SLCO5A1: variants seen among roughly 807,000 people sequenced by gnomAD.
The protein encoded by SLCO5A1 is solute carrier organic anion transporter family member 5A1.
SLCO5A1 carries 39 observed loss-of-function variants against 65.1 expected under a neutral mutation model. That is an observed-to-expected ratio of 0.60 (90% confidence interval 0.46 to 0.78). The LOEUF (loss-of-function observed/expected upper bound fraction) is 0.78. Among genes scored for constraint, SLCO5A1 ranks in the 30% least tolerant of loss-of-function variants. The probability of loss-of-function intolerance (pLI) is 0.00; values close to 1 mark genes in which losing one functional copy is unlikely to be tolerated. For missense variants in SLCO5A1, 1,029 were observed against 1,069.4 expected (o/e 0.96, Z 0.53); for synonymous variants, 438 against 415.7 (o/e 1.05, Z -0.65).
At chr8:69,723,418 A>ATT (rs199595698) in intron 5 of SLCO5A1, among the ~76,000 whole-genome samples, 2 of 146,802 alleles carry the variant, frequency 1.4e-5, no homozygotes, top group African/African-American at 2.5e-5. Context: ...TGCCCACCTA[A>ATT]TTTTTTTTTT....
intron 2 of SLCO5A1, among the ~76,000 whole-genome samples, chr8:69,822,658 A>G (rs768788358): frequency 3.9e-5 from 6 of 152,224 alleles, no homozygotes; most frequent in Non-Finnish European, 7.3e-5. Flanking sequence ...TTGACAGAAC[A>G]GAGCACTGTC....
At chr8:69,675,006 C>T (rs781204665) in intron 9 of SLCO5A1, among the ~76,000 whole-genome samples, 8 of 151,458 alleles carry the variant, frequency 5.3e-5, no homozygotes, top group Non-Finnish European at 1.2e-4. Context: ...TGCCACTGCC[C>T]TCCAGCCTGG....
intron 5 of SLCO5A1, among the ~76,000 whole-genome samples, chr8:69,720,184 A>T (rs1449322496): frequency 6.6e-6 from 1 of 152,272 alleles, no homozygotes; most frequent in Non-Finnish European, 1.5e-5. Context: ...GGAAGACAAC[A>T]ATATAACTTG....
intron 2 of SLCO5A1, among the ~76,000 whole-genome samples, chr8:69,808,692 G>A (rs1351820733): frequency 6.6e-6 from 1 of 152,174 alleles, no homozygotes; most frequent in Non-Finnish European, 1.5e-5. Flanking sequence ...CCAGTAATGA[G>A]ATTGCCGGGT....
chr8:69,820,264 T>C (rs1313516253), intron 2 of SLCO5A1, among the ~76,000 whole-genome samples: 1 of 152,160 alleles, frequency 6.6e-6, no homozygotes, highest in East Asian at 1.9e-4. Flanking sequence ...GACACAGCAG[T>C]TGTCACTAAG....
chr8:69,682,871 G>A (rs116574369), intron 6 of SLCO5A1, among the ~76,000 whole-genome samples: 3,174 of 152,194 alleles, frequency 0.021, 93 homozygotes, highest in African/African-American at 0.063. Context: ...GAAAGGCATT[G>A]GGGCTCTAGA....
chr8:69,754,551 C>T (rs1817462925), intron 4 of SLCO5A1, among the ~76,000 whole-genome samples: 1 of 152,006 alleles, frequency 6.6e-6, no homozygotes, highest in African/African-American at 2.4e-5. Context: ...AAATATTATG[C>T]TTCATAATTT....
chr8:69,803,184 G>T (rs906742759), intron 2 of SLCO5A1, among the ~76,000 whole-genome samples: 1 of 152,202 alleles, frequency 6.6e-6, no homozygotes, highest in African/African-American at 2.4e-5. Flanking sequence ...GGGAGGCCAA[G>T]GCGGGTGGAT....
intron 2 of SLCO5A1, among the ~76,000 whole-genome samples, chr8:69,787,557 T>C (rs905274589): frequency 7.2e-5 from 11 of 152,242 alleles, no homozygotes; most frequent in South Asian, 4.1e-4. Flanking sequence ...TGAGGATGTA[T>C]GTTATGTAAC....
At chr8:69,821,363 A>C (rs1820632207) in intron 2 of SLCO5A1, among the ~76,000 whole-genome samples, 1 of 151,922 alleles carries the variant, frequency 6.6e-6, no homozygotes, top group African/African-American at 2.4e-5. Context: ...CGTCTCAAAA[A>C]ATAAAATAAA....
chr8:69,820,145 G>A (rs1273488273), intron 2 of SLCO5A1, among the ~76,000 whole-genome samples: 1 of 152,210 alleles, frequency 6.6e-6, no homozygotes, highest in Non-Finnish European at 1.5e-5. Context: ...CACGTTAACT[G>A]GAATAGGCCA....
At chr8:69,767,714 A>T (rs1468911507) in intron 2 of SLCO5A1, among the ~76,000 whole-genome samples, 1 of 151,478 alleles carries the variant, frequency 6.6e-6, no homozygotes, top group Non-Finnish European at 1.5e-5. Context: ...ACATGGTGAA[A>T]CCCCATCTCT....
chr8:69,750,183 A>T (rs1250898625), intron 4 of SLCO5A1, among the ~76,000 whole-genome samples: 4 of 152,140 alleles, frequency 2.6e-5, no homozygotes, highest in African/African-American at 9.7e-5. Context: ...GAGACCACAG[A>T]GCTTTGAGCA....
At chr8:69,748,872 C>T (rs567599132) in intron 4 of SLCO5A1, among the ~76,000 whole-genome samples, 5 of 152,168 alleles carry the variant, frequency 3.3e-5, no homozygotes, top group Admixed American at 6.5e-5. Flanking sequence ...TTTAGGGAGC[C>T]TTTGTGGTGA....
intron 2 of SLCO5A1, among the ~76,000 whole-genome samples, chr8:69,797,252 C>T (rs971013164): frequency 3.3e-5 from 5 of 152,116 alleles, no homozygotes; most frequent in African/African-American, 1.2e-4. Context: ...CAATCAATAC[C>T]CTTGTGATTT....
At chr8:69,723,737 A>G (rs1251169724) in intron 5 of SLCO5A1, among the ~76,000 whole-genome samples, 1 of 151,198 alleles carries the variant, frequency 6.6e-6, no homozygotes, top group Non-Finnish European at 1.5e-5. Context: ...AAGAAATAGG[A>G]TAGGTGCTCA....
intron 2 of SLCO5A1, among the ~76,000 whole-genome samples, chr8:69,795,827 T>C (rs1819467271): frequency 6.6e-6 from 1 of 152,192 alleles, no homozygotes; most frequent in Non-Finnish European, 1.5e-5. Flanking sequence ...ACCTGGACAT[T>C]CAGGCTTTAC....
At chr8:69,689,696 A>G (rs1307688573) in intron 6 of SLCO5A1, among the ~76,000 whole-genome samples, 1 of 146,902 alleles carries the variant, frequency 6.8e-6, no homozygotes, top group Admixed American at 6.7e-5. Context: ...CCATTGATCT[A>G]TATCTCTGTT....
chr8:69,761,847 G>A lies in SLCO5A1; in HGVS notation c.936C>T (p.Gly312=). 6.2e-7 allele frequency: 1 copy of A among 1,613,670 alleles called. No homozygotes were observed. Among genetic ancestry groups the A allele is most frequent in the South Asian group, 1.1e-5 (1 of 91,032 alleles). The change falls in exon 3 of 10, where the codon GGC becomes GGT. Residue 312 remains glycine, a synonymous_variant. Transcript: ENST00000260126. ...CACCTAATAAATATCCCACTGCAGG[G>A]CCAAGTGCTCCCATGACATACATGA... ...LAIMYVMGAL[G]PAVGYLLGGL...
Sources: allele counts gnomAD v4.1 joint callset (sites outside exome capture counted in the v4.1 genomes callset), GRCh38; gene constraint gnomAD v4.1.1; transcripts MANE v1.5; gene names NCBI Gene and HGNC (gene_info 2026-07-23, HGNC 2026-07-21).